PRKCH: variants seen among roughly 807,000 people sequenced by gnomAD.
PRKCH encodes the protein protein kinase C eta.
In PRKCH, 28 loss-of-function variants were observed where a neutral mutation model predicts 82.5. The ratio of observed to expected loss-of-function variants is 0.34; its 90% CI spans 0.25 to 0.47. The LOEUF is 0.47. PRKCH is among the 20% of genes least tolerant of loss of function. The pLI, the probability that PRKCH is intolerant of heterozygous loss-of-function variation, is 1.00. For synonymous variants in PRKCH, 322 were observed against 327.4 expected (o/e 0.98, Z 0.18); for missense variants, 705 against 881.8 (o/e 0.80, Z 2.54).
intron 1 of PRKCH, among the ~76,000 whole-genome samples, chr14:61,308,724 G>A (rs2045499954): frequency 6.6e-6 from 1 of 152,122 alleles, no homozygotes; most frequent in Non-Finnish European, 1.5e-5. Flanking sequence ...AAACTGCTGG[G>A]CTCAAGTGAT....
chr14:61,391,600 G>A (rs1359944734), intron 2 of PRKCH, among the ~76,000 whole-genome samples: 1 of 135,662 alleles, frequency 7.4e-6, no homozygotes, highest in African/African-American at 3.1e-5. Context: ...GGAACTCTAC[G>A]TCTTTGGTTT....
At chr14:61,372,436 C>G (rs1430065863) in intron 1 of PRKCH, among the ~76,000 whole-genome samples, 1 of 152,032 alleles carries the variant, frequency 6.6e-6, no homozygotes, top group Non-Finnish European at 1.5e-5. Flanking sequence ...TGTTACAGAC[C>G]TTTTTTTACT....
intron 1 of PRKCH, among the ~76,000 whole-genome samples, chr14:61,383,610 G>A (rs2140189150): frequency 6.6e-6 from 1 of 152,128 alleles, no homozygotes; most frequent in South Asian, 2.1e-4. Flanking sequence ...CATCCAACCT[G>A]TAGCCCTAGG....
chr14:61,430,816 G>A (rs1017355927), intron 2 of PRKCH, among the ~76,000 whole-genome samples: 50 of 151,100 alleles, frequency 3.3e-4, no homozygotes, highest in Non-Finnish European at 4.9e-4. Flanking sequence ...ATGCGGTGTC[G>A]TGATCTCAGC....
At chr14:61,454,539 C>G (rs1311544144) in intron 7 of PRKCH, among the ~76,000 whole-genome samples, 2 of 152,228 alleles carry the variant, frequency 1.3e-5, no homozygotes, top group East Asian at 3.8e-4. Flanking sequence ...GCGTCCTCAC[C>G]TCTAAAGCGG....
At chr14:61,442,993 C>T in intron 2 of PRKCH, 118 bp from the exon 3 acceptor site, 1 of 1,039,266 alleles carries the variant, frequency 9.6e-7, no homozygotes, top group East Asian at 2.6e-5. Flanking sequence ...TGGTTTAGAT[C>T]TTGAAGAAAG....
intron 9 of PRKCH, among the ~76,000 whole-genome samples, chr14:61,482,238 C>T (rs1187747236): frequency 1.7e-4 from 26 of 152,126 alleles, no homozygotes; most frequent in Admixed American, 1.7e-3. Flanking sequence ...CTCGAGTGAT[C>T]TGCCCGCCTC....
chr14:61,505,792 C>A (rs1887123349), intron 10 of PRKCH, among the ~76,000 whole-genome samples: 1 of 152,060 alleles, frequency 6.6e-6, no homozygotes, highest in African/African-American at 2.4e-5. Flanking sequence ...TTTCAACATA[C>A]CAATTTTGGG....
chr14:61,228,347 T>A (rs952507643), intron 1 of PRKCH, among the ~76,000 whole-genome samples: 6 of 152,184 alleles, frequency 3.9e-5, no homozygotes. Flanking sequence ...GGGCTTAATG[T>A]GTTGCGCTCT....
At chr14:61,272,471 A>G (rs1005277571) in intron 1 of PRKCH, among the ~76,000 whole-genome samples, 1 of 144,154 alleles carries the variant, frequency 6.9e-6, no homozygotes, top group Admixed American at 7.3e-5. Context: ...CTCCTGCCTC[A>G]GCCTCCTGAG....
chr14:61,388,475 G>C (rs1056078562), intron 1 of PRKCH, among the ~76,000 whole-genome samples: 1 of 152,304 alleles, frequency 6.6e-6, no homozygotes, highest in Non-Finnish European at 1.5e-5. Context: ...TGGGCCCTCA[G>C]GGAAGTGTTG....
intron 1 of PRKCH, among the ~76,000 whole-genome samples, chr14:61,345,768 G>T (rs927969431): frequency 2.0e-5 from 3 of 152,218 alleles, no homozygotes; most frequent in Non-Finnish European, 4.4e-5. Context: ...AATAAGTGGT[G>T]AAGGCTGGGC....
chr14:61,245,885 G>A (rs1259164533), intron 1 of PRKCH, among the ~76,000 whole-genome samples: 1 of 152,176 alleles, frequency 6.6e-6, no homozygotes, highest in Non-Finnish European at 1.5e-5. Flanking sequence ...AACCATCAGT[G>A]AGCAGATCTG....
intron 2 of PRKCH, among the ~76,000 whole-genome samples, chr14:61,435,823 G>A (rs747387814): frequency 6.6e-6 from 1 of 152,122 alleles, no homozygotes; most frequent in Non-Finnish European, 1.5e-5. Context: ...CTAGAAGCAT[G>A]GTATGCAGGG....
chr14:61,513,342 G>C (rs2042775319), intron 10 of PRKCH, among the ~76,000 whole-genome samples: 2 of 152,204 alleles, frequency 1.3e-5, no homozygotes, highest in Non-Finnish European at 2.9e-5. Flanking sequence ...GCATGGAGAA[G>C]ATCTGCAGGG....
At chr14:61,274,327 A>G (rs1455193381) in intron 1 of PRKCH, among the ~76,000 whole-genome samples, 1 of 152,228 alleles carries the variant, frequency 6.6e-6, no homozygotes, top group African/African-American at 2.4e-5. Context: ...AACGAGGCCA[A>G]CCATGAAGGT....
intron 1 of PRKCH, among the ~76,000 whole-genome samples, chr14:61,340,707 G>A (rs1166072272): frequency 6.6e-6 from 1 of 152,182 alleles, no homozygotes; most frequent in Non-Finnish European, 1.5e-5. Flanking sequence ...TGTCTGATAT[G>A]CTTGCTGGAC....
intron 1 of PRKCH, among the ~76,000 whole-genome samples, chr14:61,226,485 G>T (rs547088084): frequency 8.5e-5 from 13 of 152,310 alleles, no homozygotes; most frequent in African/African-American, 2.6e-4. Flanking sequence ...GTGACAACTT[G>T]ATGTGGGTTT....
At chr14:61,455,832 GC>G (rs1348100726) in intron 7 of PRKCH, among the ~76,000 whole-genome samples, 5 of 152,138 alleles carry the variant, frequency 3.3e-5, no homozygotes, top group African/African-American at 1.2e-4. Context: ...AAGTCACCTT[GC>G]CTTTAGGTAG....
Sources: allele counts gnomAD v4.1 joint callset (sites outside exome capture counted in the v4.1 genomes callset), GRCh38; gene constraint gnomAD v4.1.1; transcripts MANE v1.5; gene names NCBI Gene and HGNC (gene_info 2026-07-23, HGNC 2026-07-21).